Variants in ADGRD1 observed in about 807,000 individuals in gnomAD.
ADGRD1 encodes the protein adhesion G protein-coupled receptor D1.
A neutral mutation model predicts 113.4 loss-of-function variants in ADGRD1; 77 were observed. The observed-to-expected ratio is 0.68, with a 90% CI of 0.57 to 0.82. ADGRD1 has a LOEUF of 0.82. Ranked by LOEUF, ADGRD1 falls within the 40% of genes least tolerant of loss-of-function variation. ADGRD1 has a pLI of 0.00. For missense variants in ADGRD1, 1,036 were observed against 1,139.1 expected, an observed-to-expected ratio of 0.91 and a Z score of 1.30; for synonymous variants, 474 against 475.0, an observed-to-expected ratio of 1.00 and a Z score of 0.03.
At chr12:131,116,497 G>A (rs959491943) in intron 18 of ADGRD1, among the ~76,000 whole-genome samples, 6 of 152,230 alleles carry the variant, frequency 3.9e-5, no homozygotes, top group African/African-American at 7.2e-5. Flanking sequence ...CAGGCACGGC[G>A]TGTACTCTGC....
intron 3 of ADGRD1, chr12:130,968,119 G>C (rs1871218672): frequency 6.6e-6 from 1 of 152,218 alleles, no homozygotes; most frequent in African/African-American, 2.4e-5. Context: ...AACTGTCAGT[G>C]TCTTTCTCTC....
intron 20 of ADGRD1, among the ~76,000 whole-genome samples, chr12:131,123,559 C>T (rs9668889): frequency 2.2e-4 from 34 of 151,820 alleles, no homozygotes; most frequent in African/African-American, 8.0e-4. Flanking sequence ...CGGTGGCTCA[C>T]GCCTGTAATC....
chr12:131,087,505 C>T (rs1214245055), intron 15 of ADGRD1, among the ~76,000 whole-genome samples: 1 of 152,242 alleles, frequency 6.6e-6, no homozygotes. Context: ...CCCTTGCGTG[C>T]CGGGGCTTTC....
In ADGRD1 at chr12:131,013,500, T is replaced by C. The variant is rs1878182238; in HGVS notation, c.1332-699T>C. Among the ~76,000 whole-genome samples, 4 of 152,094 alleles carry C rather than the reference T, an allele frequency of 2.6e-5. No individual in the cohort carries two copies. In the South Asian group the frequency reaches 8.3e-4, roughly 32 times the overall value. ...CCCCACCTCGCCTTCTGGCATCTCC[T>C]CAGATTTGACTGGATTGGGTGTCAT... On this transcript the variant is annotated intron_variant, in intron 12 of 24. Coordinates refer to ENST00000261654, the MANE Select transcript of ADGRD1 (RefSeq NM_198827.5).
At chr12:131,122,240 T>G (rs1308629823) in intron 20 of ADGRD1, among the ~76,000 whole-genome samples, 1 of 152,102 alleles carries the variant, frequency 6.6e-6, no homozygotes, top group Non-Finnish European at 1.5e-5. Context: ...CAGGGATCTT[T>G]GTGCAAGCAG....
intron 20 of ADGRD1, among the ~76,000 whole-genome samples, chr12:131,123,902 T>C (rs1950672933): frequency 6.6e-6 from 1 of 152,088 alleles, no homozygotes; most frequent in Admixed American, 6.5e-5. Context: ...TACCTGCTTT[T>C]GTAGATCGAG....
At chr12:131,037,434 A>G (rs1881620933) in intron 13 of ADGRD1, among the ~76,000 whole-genome samples, 1 of 135,266 alleles carries the variant, frequency 7.4e-6, no homozygotes, top group Non-Finnish European at 1.6e-5. Flanking sequence ...TCACTGCACC[A>G]GGATCTTACT....
chr12:130,985,548 AT>A (rs199785536), intron 5 of ADGRD1, among the ~76,000 whole-genome samples: 1 of 85,188 alleles, frequency 1.2e-5, no homozygotes, highest in African/African-American at 3.1e-5. Flanking sequence ...CAGGTTTAAG[AT>A]TTTTTTTTTG....
At chr12:130,975,993 T>A (rs1872259099) in intron 4 of ADGRD1, among the ~76,000 whole-genome samples, 1 of 152,198 alleles carries the variant, frequency 6.6e-6, no homozygotes, top group African/African-American at 2.4e-5. Flanking sequence ...CATTAAGAAC[T>A]TCTTCTGCTT....
At chr12:131,078,061 G>A (rs1001791241) in intron 14 of ADGRD1, among the ~76,000 whole-genome samples, 2 of 152,176 alleles carry the variant, frequency 1.3e-5, no homozygotes, top group African/African-American at 4.8e-5. Context: ...TCCTGTGCCT[G>A]GACTCACTTC....
At chr12:130,981,798 A>G in intron 4 of ADGRD1, 86 bp from the exon 5 acceptor site, 1 of 915,132 alleles carries the variant, frequency 1.1e-6, no homozygotes, top group Non-Finnish European at 1.7e-6. Flanking sequence ...TTTCGAATGA[A>G]AAATAAAAAG....
At chr12:131,044,343 G>T (rs372748193) in intron 13 of ADGRD1, among the ~76,000 whole-genome samples, 31 of 152,280 alleles carry the variant, frequency 2.0e-4, no homozygotes, top group Admixed American at 7.8e-4. Flanking sequence ...AGCTGGGTCC[G>T]CGCGTGTTGC....
At chr12:131,088,497 C>T (rs61939672) in intron 15 of ADGRD1, among the ~76,000 whole-genome samples, 2,632 of 152,322 alleles carry the variant, frequency 0.017, 34 homozygotes, top group Non-Finnish European at 0.028. Flanking sequence ...GAGAAGGTGG[C>T]GGTGGATTTT....
At chr12:131,020,615 T>TTGCCCGAGCTGTGGA (rs1879216071) in intron 13 of ADGRD1, among the ~76,000 whole-genome samples, 2 of 152,238 alleles carry the variant, frequency 1.3e-5, no homozygotes, top group African/African-American at 4.8e-5. Flanking sequence ...AACGAGGCAG[T>TTGCCCGAGCTGTGGA]TGCCCGAGCT....
intron 12 of ADGRD1, among the ~76,000 whole-genome samples, chr12:131,009,648 GTGT>G (rs1273729772): frequency 6.6e-6 from 1 of 152,248 alleles, no homozygotes; most frequent in Non-Finnish European, 1.5e-5. Flanking sequence ...GTGTATTTGT[GTGT>G]TGTGTGTGTG....
At position 131,010,521 on chromosome 12, in the gene ADGRD1, G is replaced by T. The variant is rs140911650; in HGVS notation, c.1332-3678G>T. ...AGTTCCTGAGCCGGTCTTCTGCACA[G>T]GCTGGGAAGTCTCTGTGTCTCCTCA... On this transcript the variant is annotated intron_variant, in intron 12 of 24. Transcript: ENST00000261654. Among the ~76,000 whole-genome samples, 167 of 152,278 alleles carry T rather than the reference G, an allele frequency of 1.1e-3. 1 individual carries two copies. Among genetic ancestry groups the T allele is most frequent in the African/African-American group, 4.0e-3 (166 of 41,554 alleles).
chr12:130,987,464 A>G, intron 6 of ADGRD1, 115 bp downstream of exon 6: 1 of 1,108,158 alleles, frequency 9.0e-7, no homozygotes, highest in Non-Finnish European at 1.3e-6. Flanking sequence ...CAGGCGTGAG[A>G]TGTGTCCTAA....
intron 2 of ADGRD1, chr12:130,962,367 G>C (rs1265059532): frequency 6.6e-6 from 1 of 152,224 alleles, no homozygotes; most frequent in Non-Finnish European, 1.5e-5. Context: ...ACTGATTGTG[G>C]CCATTTGTAA....
intron 20 of ADGRD1, among the ~76,000 whole-genome samples, chr12:131,126,197 G>A (rs924600697): frequency 1.1e-4 from 17 of 152,192 alleles, no homozygotes; most frequent in African/African-American, 3.4e-4. Flanking sequence ...CTTTGCTCTC[G>A]TGAATAAGTT....
Sources: gnomAD v4.1 joint callset for allele counts (sites outside exome capture counted in the v4.1 genomes callset) on GRCh38, gnomAD v4.1.1 for gene constraint, MANE v1.5 for transcripts, NCBI Gene and HGNC (gene_info 2026-07-23, HGNC 2026-07-21) for gene names.